Variants in RNGTT observed in about 807,000 individuals in gnomAD.
The protein encoded by RNGTT is RNA guanylyltransferase and 5'-phosphatase.
Under a neutral mutation model 79.3 loss-of-function variants are expected in RNGTT, and 33 were observed. The ratio of observed to expected loss-of-function variants is 0.42; its 90% CI spans 0.32 to 0.56. The LOEUF is 0.56. Ranked by LOEUF, RNGTT falls within the 20% of genes least tolerant of loss-of-function variation. The pLI is 0.17. For synonymous variants in RNGTT, 222 were observed against 235.9 expected (o/e 0.94, Z 0.54); for missense variants, 497 against 739.1 (o/e 0.67, Z 3.80).
At chr6:88,779,567 C>T (rs1167191466) in intron 12 of RNGTT, among the ~76,000 whole-genome samples, 2 of 152,130 alleles carry the variant, frequency 1.3e-5, no homozygotes, top group African/African-American at 2.4e-5. Flanking sequence ...TGTTTTTACA[C>T]AGCAATAATT....
intron 4 of RNGTT, among the ~76,000 whole-genome samples, chr6:88,909,796 C>T (rs1350129949): frequency 6.6e-6 from 1 of 152,066 alleles, no homozygotes; most frequent in African/African-American, 2.4e-5. Flanking sequence ...AATTACACAG[C>T]AAAACAAAAT....
At position 88,612,860 on chromosome 6, in the gene RNGTT, G is replaced by A. The variant is rs1772083863; in HGVS notation, c.1653C>T (p.Asn551=). The A allele has an allele frequency of 6.2e-7, 1 of 1,613,698 alleles. No individual in the cohort carries two copies. Residue 551 remains asparagine, a synonymous_variant, in exon 16 of 16, where the codon AAC becomes AAT. Coordinates refer to ENST00000369485, the MANE Select transcript of RNGTT (RefSeq NM_003800.5). ...CAAACAGCATCTCCTTGGTGACAGGGTTTGAGATGCTGTTACACACAGCTG... is the reference window on the plus strand; with the variant it reads ...CAAACAGCATCTCCTTGGTGACAGGATTTGAGATGCTGTTACACACAGCTG... The part of the protein sequence containing the change: ...TAMAVCNSIS[N]PVTKEMLFEF...
intron 13 of RNGTT, among the ~76,000 whole-genome samples, chr6:88,744,528 G>A (rs1051546285): frequency 4.6e-5 from 7 of 152,096 alleles, no homozygotes; most frequent in African/African-American, 1.7e-4. Context: ...TCAAAGTGCT[G>A]GTATAACAGG....
chr6:88,877,809 C>T (rs982695298), intron 8 of RNGTT, among the ~76,000 whole-genome samples: 3 of 152,054 alleles, frequency 2.0e-5, no homozygotes, highest in East Asian at 1.9e-4. Context: ...TCTCACTTCC[C>T]CGTGATAAAA....
At chr6:88,654,935 G>A (rs774755267) in intron 14 of RNGTT, among the ~76,000 whole-genome samples, 4 of 152,182 alleles carry the variant, frequency 2.6e-5, no homozygotes, top group South Asian at 2.1e-4. Flanking sequence ...ATAAATACAC[G>A]TATGTGTGCA....
chr6:88,757,435 A>G (rs1374718318), intron 13 of RNGTT, among the ~76,000 whole-genome samples: 3 of 152,248 alleles, frequency 2.0e-5, no homozygotes, highest in Non-Finnish European at 4.4e-5. Flanking sequence ...CAAAGGTATT[A>G]AATATGCAAA....
chr6:88,823,296 G>A (rs1780553345), intron 11 of RNGTT, among the ~76,000 whole-genome samples: 1 of 152,020 alleles, frequency 6.6e-6, no homozygotes, highest in Admixed American at 6.6e-5. Context: ...GCTGGGCGTG[G>A]TGCCACGTGC....
chr6:88,736,077 T>A (rs1777274527), intron 13 of RNGTT, among the ~76,000 whole-genome samples: 1 of 152,106 alleles, frequency 6.6e-6, no homozygotes, highest in South Asian at 2.1e-4. Context: ...TTTGATAATT[T>A]AGATAAAGTG....
intron 8 of RNGTT, among the ~76,000 whole-genome samples, chr6:88,868,755 AATATT>A (rs1177528826): frequency 6.6e-6 from 1 of 152,214 alleles, no homozygotes; most frequent in Admixed American, 6.5e-5. Context: ...CACATATCAA[AATATT>A]GTATTTGGCA....
chr6:88,698,642 A>G (rs958874164), intron 13 of RNGTT, among the ~76,000 whole-genome samples: 1 of 152,060 alleles, frequency 6.6e-6, no homozygotes, highest in African/African-American at 2.4e-5. Context: ...ACACATTTAT[A>G]CTAATAATAT....
chr6:88,679,175 G>A (rs1196371579), intron 13 of RNGTT, among the ~76,000 whole-genome samples: 3 of 152,100 alleles, frequency 2.0e-5, no homozygotes, highest in Non-Finnish European at 4.4e-5. Context: ...AGGAAAACCT[G>A]ACAAATACCT....
At chr6:88,663,965 C>T (rs746519343) in intron 14 of RNGTT, among the ~76,000 whole-genome samples, 2 of 152,164 alleles carry the variant, frequency 1.3e-5, no homozygotes, top group African/African-American at 2.4e-5. Context: ...CTCATAACCC[C>T]ACTTGGGCTG....
intron 13 of RNGTT, among the ~76,000 whole-genome samples, chr6:88,746,548 T>C (rs1459376318): frequency 6.6e-6 from 1 of 152,182 alleles, no homozygotes; most frequent in Non-Finnish European, 1.5e-5. Flanking sequence ...TCATGTCAAA[T>C]CATCAGGCAT....
intron 11 of RNGTT, among the ~76,000 whole-genome samples, chr6:88,832,123 T>C (rs1042954481): frequency 6.6e-6 from 1 of 152,004 alleles, no homozygotes; most frequent in Non-Finnish European, 1.5e-5. Context: ...AATGAGCCCA[T>C]ATAGCCAAGA....
intron 13 of RNGTT, among the ~76,000 whole-genome samples, chr6:88,750,513 T>G (rs558857141): frequency 1.3e-5 from 2 of 152,284 alleles, no homozygotes; most frequent in Admixed American, 1.3e-4. Context: ...GGTTGGAATA[T>G]GTTGACAGTC....
At chr6:88,846,606 A>C (rs1781491393) in intron 10 of RNGTT, among the ~76,000 whole-genome samples, 2 of 152,138 alleles carry the variant, frequency 1.3e-5, no homozygotes, top group Non-Finnish European at 2.9e-5. Flanking sequence ...CTAAAAATAC[A>C]AAAATTAGCT....
chr6:88,928,861 A>G, intron 4 of RNGTT, 124 bp downstream of exon 4: 2 of 631,718 alleles, frequency 3.2e-6, no homozygotes, highest in Non-Finnish European at 5.5e-6. Flanking sequence ...TCATTTTAAT[A>G]AACACTACTT....
intron 12 of RNGTT, among the ~76,000 whole-genome samples, chr6:88,774,825 T>C (rs1434374262): frequency 6.6e-6 from 1 of 152,088 alleles, no homozygotes; most frequent in African/African-American, 2.4e-5. Context: ...TGGAAGAAAA[T>C]GGAAGTTACT....
Position 88,746,673 on chromosome 6 carries a change from C to T in RNGTT, c.1439+23101G>A, listed in dbSNP as rs1777668872. Among the ~76,000 whole-genome samples the T allele has an allele frequency of 2.6e-5, 4 of 152,182 alleles. No homozygotes were observed. In the South Asian group the frequency reaches 8.3e-4, roughly 31 times the overall value. On this transcript the variant is annotated intron_variant, in intron 13 of 15. Coordinates refer to ENST00000369485, the MANE Select transcript of RNGTT (RefSeq NM_003800.5). Reference sequence around the variant, plus strand: ...GCCACTGATCTGACAGGAGGTAGAGCTCAGGTGTTAATGCTTGCTCCTCCG... The same window carrying T: ...GCCACTGATCTGACAGGAGGTAGAGTTCAGGTGTTAATGCTTGCTCCTCCG...
Sources: allele counts gnomAD v4.1 joint callset (sites outside exome capture counted in the v4.1 genomes callset), GRCh38; gene constraint gnomAD v4.1.1; transcripts MANE v1.5; gene names NCBI Gene and HGNC (gene_info 2026-07-23, HGNC 2026-07-21).